Variants in DYRK4 observed in about 807,000 individuals in gnomAD.
The protein encoded by DYRK4 is dual specificity tyrosine phosphorylation regulated kinase 4, also known as dual specificity tyrosine-phosphorylation-regulated kinase 4.
In DYRK4, 64 loss-of-function variants were observed where a neutral mutation model predicts 68.3. The observed-to-expected ratio is 0.94, with a 90% CI of 0.77 to 1.15. The LOEUF is 1.15. Among genes scored for constraint, DYRK4 ranks in the 50% most tolerant of loss-of-function variants. DYRK4 has a pLI of 0.00. For synonymous variants in DYRK4, 274 were observed against 289.9 expected, an observed-to-expected ratio of 0.95 and a Z score of 0.56; for missense variants, 740 against 764.7, an observed-to-expected ratio of 0.97 and a Z score of 0.38.
chr12:4,574,324 C>T (rs1199800821), intron 2 of DYRK4, among the ~76,000 whole-genome samples: 1 of 151,766 alleles, frequency 6.6e-6, no homozygotes, highest in Admixed American at 6.6e-5. Context: ...GATAACTACT[C>T]TCTTGAGTTT....
At chr12:4,582,445 A>AATGAAATGAAATGAG in intron 2 of DYRK4, among the ~76,000 whole-genome samples, 1 of 151,878 alleles carries the variant, frequency 6.6e-6, no homozygotes, top group East Asian at 1.9e-4. Flanking sequence ...TCTCAAATAA[A>AATGAAATGAAATGAG]ATGAAATGAA....
chr12:4,612,631 C>G lies in DYRK4; in HGVS notation c.1579C>G (p.Pro527Ala). Reference protein sequence around the residue: ...QSRNLKPQPRPQTLRKSNSFF... With the variant: ...QSRNLKPQPRAQTLRKSNSFF... ...TCGGAACCTCAAGCCACAGCCCAGGCCCCAGACCCTGAGGAAATCCAATTC... is the reference window on the plus strand; with the variant it reads ...TCGGAACCTCAAGCCACAGCCCAGGGCCCAGACCCTGAGGAAATCCAATTC... The change falls in exon 14 of 15, where the codon CCC becomes GCC. Residue 527 changes from proline to alanine, a missense_variant. Pro to Ala is a conservative substitution (Grantham distance 27). Around this residue, in one of 3 missense-constraint regions of DYRK4, gnomAD observed 614 missense variants for 603.7 expected, o/e 1.02. Transcript: ENST00000543431. 6.2e-7 allele frequency: 1 copy of G among 1,614,172 alleles called. No individual in the cohort carries two copies. Among genetic ancestry groups the G allele is most frequent in the South Asian group, 1.1e-5 (1 of 91,086 alleles).
chr12:4,607,752 A>C (rs774711770), intron 12 of DYRK4, among the ~76,000 whole-genome samples: 7 of 152,206 alleles, frequency 4.6e-5, no homozygotes, highest in Non-Finnish European at 7.3e-5. Context: ...TGTGCAGGGA[A>C]ATCAAAGAGC....
intron 8 of DYRK4, 124 bp downstream of exon 8, chr12:4,596,853 C>A: frequency 1.3e-6 from 2 of 1,535,084 alleles, no homozygotes; most frequent in Non-Finnish European, 1.7e-6. Flanking sequence ...ACATGACAGT[C>A]ACTCAGTTAT....
chr12:4,601,953 ATGAAT>A (rs1162341204), intron 10 of DYRK4: 3 of 293,658 alleles, frequency 1.0e-5, no homozygotes, highest in African/African-American at 6.9e-5. Flanking sequence ...TCTTGAAAAA[ATGAAT>A]TGATCATTTT....
chr12:4,589,078 G>T, intron 3 of DYRK4, 61 bp downstream of exon 3: 2 of 1,492,890 alleles, frequency 1.3e-6, no homozygotes, highest in East Asian at 2.5e-5. Flanking sequence ...GGGTGGCCAG[G>T]GTAGCTTTGA....
rs752313791 is a variant in DYRK4, at chr12:4,612,696, CT to C, written c.1645del (p.Cys549ValfsTer49). 6.2e-7 allele frequency: 1 copy of C among 1,614,172 alleles called. No individual in the cohort carries two copies. The highest frequency in any genetic ancestry group is 1.1e-5 in the South Asian group (1 of 91,074). On this transcript the variant is annotated frameshift_variant, in exon 14 of 15. Transcript: ENST00000543431. LOFTEE classifies it low-confidence loss of function (END_TRUNC). Reference protein sequence around the residue: ...SETRKDKVQGCHHSSRKDEIT... With the variant: ...SETRKDKVQGXHHSSRKDEIT... ...AGACAAGGAAGGACAAGGTTCAAGG[CT>C]GTCATCACTCGAGCAGAAAAGGTAC...
intron 8 of DYRK4, among the ~76,000 whole-genome samples, chr12:4,598,540 G>A (rs1231585371): frequency 6.6e-6 from 1 of 152,218 alleles, no homozygotes; most frequent in African/African-American, 2.4e-5. Flanking sequence ...GCAGTTAGGT[G>A]GGACCAAACA....
At chr12:4,567,632 C>T (rs145500605) in intron 1 of DYRK4, among the ~76,000 whole-genome samples, 7 of 152,280 alleles carry the variant, frequency 4.6e-5, no homozygotes, top group African/African-American at 1.7e-4. Context: ...ATACGCCCAT[C>T]CTGTAAGGGG....
At chr12:4,608,674 G>A (rs569656145) in intron 12 of DYRK4, among the ~76,000 whole-genome samples, 15 of 152,242 alleles carry the variant, frequency 9.9e-5, no homozygotes, top group Admixed American at 3.9e-4. Flanking sequence ...GCAAGCAGAA[G>A]TTCTCTATGA....
chr12:4,596,007 G>A (rs1038975792), intron 6 of DYRK4, 142 bp from the exon 7 acceptor site: 11 of 870,304 alleles, frequency 1.3e-5, no homozygotes, highest in South Asian at 8.3e-5. Context: ...AGATGAGGGC[G>A]AGAGTCGCAC....
rs1200791072 is a variant in DYRK4 at position 4,613,489 on chromosome 12, CT to C, written c.1667-24del. 1.3e-6 allele frequency: 2 copies of C among 1,592,414 alleles called. No individual in the cohort carries two copies. The highest frequency in any genetic ancestry group is 2.7e-5 in the African/African-American group (2 of 74,494). On this transcript the variant is annotated intron_variant, in intron 14 of 14. Transcript: ENST00000543431. This position sits in a 1 kb window ranked among gnomAD's most constrained non-coding sequence, Gnocchi z 4.0. ...ATAATCCACATTTGAATCTTGTTCC[CT>C]TCTGTCTTCTCTCTCCTTTAGCAGA...
intron 12 of DYRK4, 83 bp from the exon 13 acceptor site, chr12:4,610,072 C>CAG (rs1945200642): frequency 1.5e-6 from 2 of 1,302,876 alleles, no homozygotes; most frequent in South Asian, 3.2e-5. Flanking sequence ...AAAAGAGCTA[C>CAG]AGAGGCCACT....
At chr12:4,596,355 C>A (rs931675710) in intron 7 of DYRK4, 70 bp downstream of exon 7, 7 of 1,598,518 alleles carry the variant, frequency 4.4e-6, no homozygotes, top group Middle Eastern at 1.8e-4. Context: ...GAATGCCAGC[C>A]CTTCCTGACT....
Position 4,607,396 on chromosome 12 carries a change from T to C in DYRK4, c.1360+9T>C, listed in dbSNP as rs781684958. On this transcript the variant is annotated intron_variant, in intron 12 of 14. Coordinates refer to ENST00000543431, the MANE Select transcript of DYRK4 (RefSeq NM_001394779.1). Reference sequence around the variant, plus strand: ...GAGACAGACATTCTTTGGTAAGTCCTAGTGTGTCTCATGAGGTGTCACAGG... The same window carrying C: ...GAGACAGACATTCTTTGGTAAGTCCCAGTGTGTCTCATGAGGTGTCACAGG... The C allele has an allele frequency of 4.3e-6, 7 of 1,614,168 alleles. No individual in the cohort carries two copies. The South Asian group carries it at 7.7e-5, about 18-fold the overall frequency.
At chr12:4,600,566 C>A (rs139173423) in intron 10 of DYRK4, among the ~76,000 whole-genome samples, 1 of 148,382 alleles carries the variant, frequency 6.7e-6, no homozygotes, top group South Asian at 2.2e-4. Context: ...AGGCTGAAGA[C>A]GGGACTACTA....
intron 13 of DYRK4, 127 bp downstream of exon 13, chr12:4,610,411 G>A (rs1945206570): frequency 2.0e-6 from 2 of 998,886 alleles, no homozygotes; most frequent in South Asian, 4.5e-5. Context: ...TAACAATAGA[G>A]CTTTAAAGTC....
At chr12:4,587,789 G>T (rs972443750) in intron 2 of DYRK4, among the ~76,000 whole-genome samples, 2 of 152,190 alleles carry the variant, frequency 1.3e-5, no homozygotes, top group Admixed American at 1.3e-4. Flanking sequence ...AGCTGTGCTG[G>T]ATGATATTAA....
intron 1 of DYRK4, chr12:4,564,281 T>G (rs1416860295): frequency 1.3e-5 from 2 of 151,944 alleles, no homozygotes; most frequent in African/African-American, 4.8e-5. Context: ...AAGCCCTGAC[T>G]TGATTATATA....
Sources: allele counts gnomAD v4.1 joint callset (sites outside exome capture counted in the v4.1 genomes callset), GRCh38; gene constraint gnomAD v4.1.1; regional missense constraint gnomAD v4.1.1; non-coding constraint Gnocchi (gnomAD v3.1); transcripts MANE v1.5; gene names NCBI Gene and HGNC (gene_info 2026-07-23, HGNC 2026-07-21).